RCAN1: variants seen among roughly 807,000 people sequenced by gnomAD.
RCAN1 encodes the protein regulator of calcineurin 1, also known as calcipressin-1.
A neutral mutation model predicts 22.9 loss-of-function variants in RCAN1; 11 were observed. The ratio of observed to expected loss-of-function variants is 0.48; its 90% CI spans 0.30 to 0.79. RCAN1 has a LOEUF of 0.79. RCAN1 is among the 30% of genes least tolerant of loss of function. RCAN1 has a pLI of 0.06. For missense variants in RCAN1, 291 were observed against 337.8 expected (o/e 0.86, Z 1.09); for synonymous variants, 136 against 142.3 (o/e 0.96, Z 0.32).
intron 1 of RCAN1, among the ~76,000 whole-genome samples, chr21:34,610,764 G>A (rs1988666116): frequency 6.6e-6 from 1 of 152,124 alleles, no homozygotes; most frequent in African/African-American, 2.4e-5. Context: ...GCTAAGGTTG[G>A]GAGCACTGCT....
intron 1 of RCAN1, among the ~76,000 whole-genome samples, chr21:34,582,320 T>C (rs1414104293): frequency 6.6e-6 from 1 of 151,940 alleles, no homozygotes; most frequent in East Asian, 1.9e-4. Context: ...TTATATACCC[T>C]GATGTTGGGG....
chr21:34,583,972 G>A (rs980249101), intron 1 of RCAN1, among the ~76,000 whole-genome samples: 3 of 152,098 alleles, frequency 2.0e-5, no homozygotes, highest in African/African-American at 7.2e-5. Context: ...TAATCATAAA[G>A]TCTAACTATG....
intron 1 of RCAN1, among the ~76,000 whole-genome samples, chr21:34,584,829 T>C (rs2123702469): frequency 6.6e-6 from 1 of 152,326 alleles, no homozygotes; most frequent in South Asian, 2.1e-4. Flanking sequence ...AGAGGATTCA[T>C]AAGAGCATCC....
intron 1 of RCAN1, among the ~76,000 whole-genome samples, chr21:34,599,457 G>C (rs2284607): frequency 6.6e-6 from 1 of 152,206 alleles, no homozygotes; most frequent in Non-Finnish European, 1.5e-5. Flanking sequence ...CTGGGCGACA[G>C]AGTGAGACTG....
At position 34,518,172 on chromosome 21, in the gene RCAN1, T is replaced by C; in HGVS notation, c.671A>G (p.Glu224Gly). ...HVCESDQEKE[E>G]EEEMERMRRP... Reference sequence around the variant, plus strand: ...CCTCATTCTTTCCATTTCCTCTTCTTCCTCCTTCTCTTGATCACTCTCACA... The same window carrying C: ...CCTCATTCTTTCCATTTCCTCTTCTCCCTCCTTCTCTTGATCACTCTCACA... Residue 224 changes from glutamate (E) to glycine (G), a missense_variant, in exon 4 of 4, where the codon GAA (glutamate) becomes GGA (glycine). Coordinates refer to ENST00000313806, the MANE Select transcript of RCAN1 (RefSeq NM_004414.7). This position sits in a 1 kb window ranked among gnomAD's most constrained non-coding sequence, Gnocchi z 4.2. The C allele has an allele frequency of 6.2e-7, 1 of 1,614,198 alleles. No individual in the cohort carries two copies. Among genetic ancestry groups the C allele is most frequent in the Non-Finnish European group, 8.5e-7 (1 of 1,180,042 alleles).
At chr21:34,562,902 T>C (rs1986846250) in intron 1 of RCAN1, among the ~76,000 whole-genome samples, 1 of 152,246 alleles carries the variant, frequency 6.6e-6, no homozygotes, top group Admixed American at 6.5e-5. Context: ...TCATGTTGCA[T>C]CCATGGCAAC....
rs1985491236 is a variant in RCAN1 at position 34,533,052 on chromosome 21, C to A, written c.253-9342G>T. On this transcript the variant is annotated intron_variant, in intron 1 of 3. Transcript: ENST00000313806. Reference sequence around the variant, plus strand: ...CTCGGCTCACTGCAAGCTCCGCCTCCCGGGTTCACGCCATTCTCCTGCCTC... The same window carrying A: ...CTCGGCTCACTGCAAGCTCCGCCTCACGGGTTCACGCCATTCTCCTGCCTC... Among the ~76,000 whole-genome samples, 5 of 151,840 alleles carry A rather than the reference C, an allele frequency of 3.3e-5. No homozygotes were observed. In the South Asian group the frequency reaches 1.0e-3, roughly 32 times the overall value.
intron 1 of RCAN1, among the ~76,000 whole-genome samples, chr21:34,591,038 G>A (rs1987955821): frequency 6.6e-6 from 1 of 152,156 alleles, no homozygotes; most frequent in Non-Finnish European, 1.5e-5. Flanking sequence ...GAAGAAACCT[G>A]ACAGGACACA....
chr21:34,568,369 G>C (rs536097026), intron 1 of RCAN1, among the ~76,000 whole-genome samples: 2 of 152,332 alleles, frequency 1.3e-5, no homozygotes, highest in South Asian at 2.1e-4. Flanking sequence ...TAGATGAGCT[G>C]GCAAGAGCTT....
chr21:34,526,818 A>G, intron 1 of RCAN1: 2 of 1,550,098 alleles, frequency 1.3e-6, no homozygotes, highest in Non-Finnish European at 8.7e-7. Flanking sequence ...CCTTTCCAAG[A>G]GGCTGTAGGT....
intron 1 of RCAN1, among the ~76,000 whole-genome samples, chr21:34,550,676 C>T (rs1362769943): frequency 6.6e-6 from 1 of 152,204 alleles, no homozygotes; most frequent in East Asian, 1.9e-4. Flanking sequence ...TAGTATTCAT[C>T]ATGGCAGCCC....
intron 1 of RCAN1, among the ~76,000 whole-genome samples, chr21:34,596,044 G>A (rs1020406391): frequency 6.6e-6 from 1 of 152,040 alleles, no homozygotes; most frequent in Non-Finnish European, 1.5e-5. Context: ...GTGTGGATCA[G>A]TGCTGACATC....
chr21:34,524,226 T>C (rs900028926), intron 1 of RCAN1: 1 of 152,986 alleles, frequency 6.5e-6, no homozygotes, highest in Non-Finnish European at 1.5e-5. Flanking sequence ...GAAGGTATGA[T>C]TTATTACATT....
intron 1 of RCAN1, among the ~76,000 whole-genome samples, chr21:34,610,374 TA>T (rs955611842): frequency 6.6e-6 from 1 of 152,100 alleles, no homozygotes; most frequent in Non-Finnish European, 1.5e-5. Context: ...GGAGGTAACC[TA>T]AGGTTAAACC....
At chr21:34,551,241 C>A (rs1282566786) in intron 1 of RCAN1, among the ~76,000 whole-genome samples, 2 of 152,170 alleles carry the variant, frequency 1.3e-5, no homozygotes, top group African/African-American at 4.8e-5. Context: ...AACACTCTTC[C>A]TTTTTGGATG....
At position 34,519,397 on chromosome 21, in the gene RCAN1, CTTTT is replaced by C. The variant is rs34152667; in HGVS notation, c.587-1145_587-1142del. On this transcript the variant is annotated intron_variant, in intron 3 of 3. Coordinates refer to ENST00000313806, the MANE Select transcript of RCAN1 (RefSeq NM_004414.7). ...CTTTTTTCTTTTTCTTTCTTTCTTT[CTTTT>C]TTTTTTTTTTTTTTTTGAGACAGAG... is the stretch of plus-strand genomic sequence containing the variant. Among the ~76,000 whole-genome samples, 7 of 102,768 alleles carry C rather than the reference CTTTT, an allele frequency of 6.8e-5. No individual in the cohort carries two copies. In the South Asian group the frequency reaches 1.8e-3, roughly 26 times the overall value. The allele number at this position is 102,768 out of a possible 152,430, so 67.4% of individuals were successfully genotyped here.
intron 1 of RCAN1, among the ~76,000 whole-genome samples, chr21:34,555,757 G>T (rs975648060): frequency 6.6e-6 from 1 of 151,314 alleles, no homozygotes. Flanking sequence ...TAATAAAAAG[G>T]TATTTTTAAA....
At chr21:34,539,293 A>G (rs909085385) in intron 1 of RCAN1, among the ~76,000 whole-genome samples, 1 of 152,238 alleles carries the variant, frequency 6.6e-6, no homozygotes, top group Non-Finnish European at 1.5e-5. Context: ...TGATCAGATA[A>G]TATACATGCT....
chr21:34,521,748 C>T, intron 2 of RCAN1, 90 bp from the exon 3 acceptor site: 1 of 1,093,434 alleles, frequency 9.1e-7, no homozygotes, highest in South Asian at 1.5e-5. Flanking sequence ...GGGAGATGGG[C>T]AGGTCAATGT....
Sources: gnomAD v4.1 joint callset for allele counts (sites outside exome capture counted in the v4.1 genomes callset) on GRCh38, gnomAD v4.1.1 for gene constraint, Gnocchi (gnomAD v3.1) non-coding constraint, MANE v1.5 for transcripts, NCBI Gene and HGNC (gene_info 2026-07-23, HGNC 2026-07-21) for gene names.